Variants in ROCK2 observed in about 807,000 individuals in gnomAD.
ROCK2 encodes the protein Rho associated coiled-coil containing protein kinase 2.
A neutral mutation model predicts 195.1 loss-of-function variants in ROCK2; 61 were observed. The observed-to-expected ratio is 0.31, with a 90% CI of 0.25 to 0.39. ROCK2 has a LOEUF of 0.39. Ranked by LOEUF, ROCK2 falls within the 10% of genes least tolerant of loss-of-function variation. The pLI, the probability that ROCK2 is intolerant of heterozygous loss-of-function variation, is 1.00. For missense variants in ROCK2, 1,109 were observed against 1,637.4 expected (o/e 0.68, Z 5.57); for synonymous variants, 504 against 545.5 (o/e 0.92, Z 1.06).
intron 1 of ROCK2, among the ~76,000 whole-genome samples, chr2:11,343,536 GGAGA>G (rs879648143): frequency 2.6e-5 from 4 of 152,198 alleles, no homozygotes; most frequent in East Asian, 1.9e-4. Context: ...CAGACTAAAA[GGAGA>G]GAGTGAGGGC....
In ROCK2 at chr2:11,180,578, G is replaced by A. The variant is rs1319203232; in HGVS notation, c.*2859C>T. On this transcript the variant is annotated 3_prime_UTR_variant, in exon 33 of 33. Coordinates refer to ENST00000315872, the MANE Select transcript of ROCK2 (RefSeq NM_004850.5). ...CGGCACCAGTTTTCCTTTCACTTCTGTCTCGTTATCCCCACAAAACAAAAG... is the reference window on the plus strand; with the variant it reads ...CGGCACCAGTTTTCCTTTCACTTCTATCTCGTTATCCCCACAAAACAAAAG... 1 of 152,032 alleles carries A rather than the reference G, an allele frequency of 6.6e-6. No homozygotes were observed. The highest frequency in any genetic ancestry group is 6.6e-5 in the Admixed American group (1 of 15,260). 9.4% of individuals were successfully genotyped at this position (152,032 alleles called of 1,614,324 possible).
intron 3 of ROCK2, among the ~76,000 whole-genome samples, chr2:11,259,495 C>A (rs749525252): frequency 1.3e-5 from 2 of 151,348 alleles, no homozygotes; most frequent in Non-Finnish European, 2.9e-5. Flanking sequence ...CCTGCTCTGC[C>A]ACTTAATTCT....
intron 1 of ROCK2, among the ~76,000 whole-genome samples, chr2:11,294,892 ATTC>A (rs1667464357): frequency 6.6e-6 from 1 of 152,026 alleles, no homozygotes; most frequent in Admixed American, 6.6e-5. Context: ...ACCTCAAGTG[ATTC>A]TTGTGTCTCA....
intron 4 of ROCK2, among the ~76,000 whole-genome samples, chr2:11,248,604 G>C (rs1665706662): frequency 6.8e-6 from 1 of 147,498 alleles, no homozygotes; most frequent in Non-Finnish European, 1.5e-5. Flanking sequence ...AGCTATTCGA[G>C]AGACTGAGGC....
intron 20 of ROCK2, among the ~76,000 whole-genome samples, chr2:11,202,517 A>T (rs1406881071): frequency 4.0e-5 from 6 of 151,322 alleles, no homozygotes; most frequent in African/African-American, 1.5e-4. Context: ...TTTGTTTTTG[A>T]GACGGAGTCT....
Position 11,198,591 on chromosome 2 carries a change from AC to A in ROCK2, c.3005-7del. 6.2e-7 allele frequency: 1 copy of A among 1,611,720 alleles called. No homozygotes were observed. Among genetic ancestry groups the A allele is most frequent in the Non-Finnish European group, 8.5e-7 (1 of 1,178,662 alleles). The stretch of plus-strand genomic sequence containing the variant: ...ATCTTTCAATCTTGACAGTTCTGAA[AC>A]ATGGAAAAAAGTTAAAATTACATTG... On this transcript the variant is annotated splice_polypyrimidine_tract_variant and splice_region_variant and intron_variant, in intron 24 of 32. Transcript: ENST00000315872.
At chr2:11,313,395 TA>T (rs1668096363) in intron 1 of ROCK2, among the ~76,000 whole-genome samples, 1 of 152,096 alleles carries the variant, frequency 6.6e-6, no homozygotes, top group Admixed American at 6.6e-5. Flanking sequence ...CTACCATATT[TA>T]AAATATTTTT....
chr2:11,307,502 T>C (rs1667894142), intron 1 of ROCK2, among the ~76,000 whole-genome samples: 1 of 152,046 alleles, frequency 6.6e-6, no homozygotes, highest in African/African-American at 2.4e-5. Context: ...TTGGTAGAGA[T>C]GGAGTTTCAC....
intron 3 of ROCK2, among the ~76,000 whole-genome samples, chr2:11,255,218 A>T (rs1572316979): frequency 8.1e-5 from 1 of 12,402 alleles, no homozygotes; most frequent in African/African-American, 1.3e-4. Flanking sequence ...CCCCATCTCA[A>T]AAAAAAAAAA....
chr2:11,181,101 A>G lies in ROCK2; in HGVS notation c.*2336T>C, dbSNP rs1332571074. 6.7e-6 allele frequency: 1 copy of G among 150,330 alleles called. No homozygotes were observed. Among genetic ancestry groups the G allele is most frequent in the Non-Finnish European group, 1.5e-5 (1 of 67,710 alleles). 9.3% of individuals were successfully genotyped at this position (150,330 alleles called of 1,614,324 possible). On this transcript the variant is annotated 3_prime_UTR_variant, in exon 33 of 33. Transcript: ENST00000315872. Reference sequence around the variant, plus strand: ...AATATATACAGCATTCCAAATTTAAACTTTTGCCTTTTTTACTCAAATATT... The same window carrying G: ...AATATATACAGCATTCCAAATTTAAGCTTTTGCCTTTTTTACTCAAATATT...
At chr2:11,190,500 C>T (rs545082838) in intron 32 of ROCK2, among the ~76,000 whole-genome samples, 8 of 152,050 alleles carry the variant, frequency 5.3e-5, no homozygotes, top group South Asian at 2.1e-4. Context: ...TAACTGGGAG[C>T]GTGCCTCATA....
chr2:11,281,308 T>C (rs763833239), intron 3 of ROCK2, among the ~76,000 whole-genome samples: 10 of 151,504 alleles, frequency 6.6e-5, no homozygotes, highest in African/African-American at 2.4e-4. Flanking sequence ...TGTTTACTGG[T>C]AAGAAACTAG....
At chr2:11,213,472 CTTTTT>C (rs758783515) in intron 17 of ROCK2, among the ~76,000 whole-genome samples, 5 of 151,702 alleles carry the variant, frequency 3.3e-5, no homozygotes, top group Non-Finnish European at 5.9e-5. Context: ...ATGCCTTTTT[CTTTTT>C]TAAGTTTCAC....
intron 20 of ROCK2, 31 bp downstream of exon 20, chr2:11,207,695 C>A: frequency 6.6e-7 from 1 of 1,514,934 alleles, no homozygotes; most frequent in Non-Finnish European, 9.0e-7. Context: ...GATAATTATG[C>A]ATATTAAAAC....
chr2:11,194,311 A>T lies in ROCK2; in HGVS notation c.3553T>A (p.Tyr1185Asn). Residue 1185 changes from tyrosine (Y) to asparagine (N), a missense_variant, in exon 29 of 33, where the codon TAT becomes AAT. Around this residue, in one of 6 missense-constraint regions of ROCK2, gnomAD observed 221 missense variants for 355.1 expected, o/e 0.62. Coordinates refer to ENST00000315872, the MANE Select transcript of ROCK2 (RefSeq NM_004850.5). ...VIVSSKKILFYDSEQDKEQSN... is the reference protein window; with the variant it reads ...VIVSSKKILFNDSEQDKEQSN... The stretch of plus-strand genomic sequence containing the variant: ...TGTTCTTTATCTTGTTCACTGTCAT[A>T]GAAAAGAATCTTCTTACTGCTTACA... 1 of 1,469,528 alleles carries T rather than the reference A, an allele frequency of 6.8e-7. No homozygotes were observed. The allele number at this position is 1,469,528 out of a possible 1,614,324, so 91.0% of individuals were successfully genotyped here.
At position 11,200,982 on chromosome 2, in the gene ROCK2, G is replaced by T. The variant is rs752852649; in HGVS notation, c.2885C>A (p.Thr962Lys). The change falls in exon 23 of 33, where the codon ACG (threonine) becomes AAG (lysine). Residue 962 changes from threonine (T) to lysine (K), a missense_variant. By Grantham distance (78) the Thr-to-Lys change is moderately conservative (BLOSUM62 -1). Around this residue, in one of 6 missense-constraint regions of ROCK2, gnomAD observed 542 missense variants for 672.0 expected, o/e 0.81. Transcript: ENST00000315872. ...EMMARHKQELTEKDATIASLE... is the reference protein window; with the variant it reads ...EMMARHKQELKEKDATIASLE... ...AGAAGCAATTGTAGCATCTTTTTCC[G>T]TAAGTTCCTGTTTGTGTCTAGCCAT... is the stretch of plus-strand genomic sequence containing the variant. 2 of 1,594,614 alleles carry T rather than the reference G, an allele frequency of 1.3e-6. No individual in the cohort carries two copies. The highest frequency in any genetic ancestry group is 1.7e-6 in the Non-Finnish European group (2 of 1,174,294).
At chr2:11,258,262 G>T (rs773314531) in intron 3 of ROCK2, among the ~76,000 whole-genome samples, 1 of 151,216 alleles carries the variant, frequency 6.6e-6, no homozygotes, top group Admixed American at 6.6e-5. Context: ...GAATAAATTC[G>T]AATTCCAAAT....
At chr2:11,336,608 G>T (rs11895547) in intron 1 of ROCK2, among the ~76,000 whole-genome samples, 1 of 152,054 alleles carries the variant, frequency 6.6e-6, no homozygotes, top group Non-Finnish European at 1.5e-5. Flanking sequence ...CTGATGATCC[G>T]GTGTAGCTAC....
chr2:11,291,550 T>TTA (rs1667363821), intron 1 of ROCK2, among the ~76,000 whole-genome samples: 1 of 150,432 alleles, frequency 6.6e-6, no homozygotes, highest in Admixed American at 6.6e-5. Context: ...GACTCTGTCT[T>TTA]AAAAAAAAAA....
Sources: allele counts gnomAD v4.1 joint callset (sites outside exome capture counted in the v4.1 genomes callset), GRCh38; gene constraint gnomAD v4.1.1; regional missense constraint gnomAD v4.1.1; transcripts MANE v1.5; gene names NCBI Gene and HGNC (gene_info 2026-07-23, HGNC 2026-07-21).